TBC1D1: variants seen among roughly 807,000 people sequenced by gnomAD.
TBC1D1 encodes the protein TBC1 (tre-2/USP6, BUB2, cdc16) domain family, member 1.
In TBC1D1, 89 loss-of-function variants were observed where a neutral mutation model predicts 125.6. The observed-to-expected ratio is 0.71, with a 90% CI of 0.60 to 0.85. TBC1D1 has a LOEUF of 0.85. Among genes scored for constraint, TBC1D1 ranks in the 40% least tolerant of loss-of-function variants. The probability of loss-of-function intolerance (pLI) is 0.00; values close to 1 mark genes in which losing one functional copy is unlikely to be tolerated. For missense variants in TBC1D1, 1,377 were observed against 1,469.2 expected, an observed-to-expected ratio of 0.94 and a Z score of 1.03; for synonymous variants, 565 against 564.1, an observed-to-expected ratio of 1.00 and a Z score of -0.02.
chr4:37,986,514 C>T (rs1000907121), intron 2 of TBC1D1, among the ~76,000 whole-genome samples: 2 of 152,118 alleles, frequency 1.3e-5, no homozygotes, highest in African/African-American at 2.4e-5. Flanking sequence ...GGCGCGATCT[C>T]GGCTCACTGC....
intron 9 of TBC1D1, 38 bp downstream of exon 9, chr4:38,044,528 C>G (rs189617181): frequency 5.7e-5 from 90 of 1,585,498 alleles, no homozygotes; most frequent in Non-Finnish European, 5.1e-5. Context: ...AGTTAAATCA[C>G]TTTTTAGGAG....
At chr4:38,052,714 GCGCGCGCGCGCGCGCACACACACACA>G (rs1286890057) in intron 11 of TBC1D1, among the ~76,000 whole-genome samples, 1 of 42,580 alleles carries the variant, frequency 2.3e-5, no homozygotes, top group Non-Finnish European at 4.5e-5. Context: ...ACACACACAC[GCGCGCGCGCGCGCGCACACACACACA>G]CACACACACA....
chr4:38,083,934 C>CTTTTTTT lies in TBC1D1; in HGVS notation c.2051-5986_2051-5980dup, dbSNP rs61161366. Among the ~76,000 whole-genome samples the CTTTTTTT allele has an allele frequency of 2.2e-4, 29 of 133,292 alleles. 2 individuals carry two copies. Among genetic ancestry groups the CTTTTTTT allele is most frequent in the South Asian group, 4.8e-4 (2 of 4,204 alleles). 87.4% of individuals were successfully genotyped at this position (133,292 alleles called of 152,430 possible). ...TTTCTTTATACCAAATGAATGTTGT[C>CTTTTTTT]TTTTTTTTTTTTTTTTTTCTTGAGA... On this transcript the variant is annotated intron_variant, in intron 12 of 19. Transcript: ENST00000261439.
intron 2 of TBC1D1, among the ~76,000 whole-genome samples, chr4:37,962,575 C>A (rs1362622647): frequency 6.6e-6 from 1 of 152,194 alleles, no homozygotes; most frequent in African/African-American, 2.4e-5. Flanking sequence ...TAGTAAGGAT[C>A]TAAATGATAT....
chr4:37,912,486 A>G (rs1718831669), intron 2 of TBC1D1, among the ~76,000 whole-genome samples: 2 of 152,218 alleles, frequency 1.3e-5, no homozygotes. Context: ...GCCAGATTTT[A>G]CAGGGCTTTG....
chr4:38,000,601 A>G (rs1045652319), intron 2 of TBC1D1, among the ~76,000 whole-genome samples: 10 of 152,190 alleles, frequency 6.6e-5, no homozygotes, highest in African/African-American at 1.4e-4. Context: ...TATAACATCA[A>G]TAAAATCACA....
rs1435968154 is a variant in TBC1D1, at chr4:37,983,004, G to C, written c.418-31505G>C. On this transcript the variant is annotated intron_variant, in intron 2 of 19. Transcript: ENST00000261439. ...TGGTGGGCCTGGAGCGAGACTGCTG[G>C]GGGGAGTAGCAGAGGCGAATGAGGA... Among the ~76,000 whole-genome samples the C allele has an allele frequency of 5.3e-5, 8 of 152,204 alleles. No individual in the cohort carries two copies. In the East Asian group the frequency reaches 1.3e-3, roughly 26 times the overall value.
intron 19 of TBC1D1, among the ~76,000 whole-genome samples, chr4:38,134,883 A>C (rs1766221588): frequency 6.6e-6 from 1 of 152,336 alleles, no homozygotes; most frequent in Non-Finnish European, 1.5e-5. Flanking sequence ...CACTTCTGGA[A>C]GGATCATTCA....
chr4:38,087,667 C>T (rs1309899315), intron 12 of TBC1D1, among the ~76,000 whole-genome samples: 1 of 151,692 alleles, frequency 6.6e-6, no homozygotes, highest in African/African-American at 2.4e-5. Context: ...CATGGTGAAA[C>T]CCCGTCTCAA....
intron 2 of TBC1D1, among the ~76,000 whole-genome samples, chr4:37,939,074 A>G (rs1419360899): frequency 1.3e-5 from 2 of 152,184 alleles, no homozygotes; most frequent in Middle Eastern, 3.2e-3. Context: ...TGGTATTTCT[A>G]TTTCTAAATC....
rs149095082 is a variant in TBC1D1 at position 38,060,337 on chromosome 4, C to A, written c.2050+5999C>A. On this transcript the variant is annotated intron_variant, in intron 12 of 19. Coordinates refer to ENST00000261439, the MANE Select transcript of TBC1D1 (RefSeq NM_015173.4). ...CAATGTTTGAACTAATTTACATTCT[C>A]ACCAACAGTGTAAAAGCATTCTTAC... Among the ~76,000 whole-genome samples, 47 of 152,336 alleles carry A rather than the reference C, an allele frequency of 3.1e-4. No homozygotes were observed. In the East Asian group the frequency reaches 8.9e-3, roughly 29 times the overall value.
intron 2 of TBC1D1, among the ~76,000 whole-genome samples, chr4:38,003,536 G>T (rs1739476280): frequency 6.6e-6 from 1 of 152,164 alleles, no homozygotes; most frequent in South Asian, 2.1e-4. Context: ...GTACTGAAAG[G>T]TAGATGGAAG....
chr4:38,112,376 G>A (rs1762327508), intron 15 of TBC1D1, among the ~76,000 whole-genome samples: 1 of 152,186 alleles, frequency 6.6e-6, no homozygotes. Context: ...TTTTGCATTT[G>A]TGCTACAGAA....
intron 8 of TBC1D1, 72 bp from the exon 9 acceptor site, chr4:38,044,290 C>T: frequency 6.6e-7 from 1 of 1,519,434 alleles, no homozygotes; most frequent in East Asian, 2.3e-5. Flanking sequence ...AAGATGTGTC[C>T]TAGAGATTTT....
At chr4:38,058,624 G>A (rs570966957) in intron 12 of TBC1D1, among the ~76,000 whole-genome samples, 1 of 152,292 alleles carries the variant, frequency 6.6e-6, no homozygotes, top group East Asian at 1.9e-4. Flanking sequence ...TTATATTCTG[G>A]CAGTGCAAAC....
intron 15 of TBC1D1, chr4:38,110,138 T>G: frequency 1.1e-6 from 1 of 937,646 alleles, no homozygotes; most frequent in Non-Finnish European, 1.3e-6. Flanking sequence ...TGCCACATGG[T>G]AAACAGAGCC....
intron 8 of TBC1D1, among the ~76,000 whole-genome samples, chr4:38,036,653 T>G (rs1747277087): frequency 6.6e-6 from 1 of 152,184 alleles, no homozygotes; most frequent in African/African-American, 2.4e-5. Context: ...TTAGCAAATC[T>G]CCACATAAGG....
intron 2 of TBC1D1, among the ~76,000 whole-genome samples, chr4:37,903,741 T>C (rs746402383): frequency 3.3e-5 from 5 of 152,180 alleles, no homozygotes; most frequent in Admixed American, 6.5e-5. Context: ...TTGCAGGTAC[T>C]GTTGGAGATG....
At chr4:38,092,440 A>G (rs1758578568) in intron 13 of TBC1D1, among the ~76,000 whole-genome samples, 1 of 152,148 alleles carries the variant, frequency 6.6e-6, no homozygotes, top group African/African-American at 2.4e-5. Flanking sequence ...TACAAATATG[A>G]TAATTATTGG....
Sources: allele counts gnomAD v4.1 joint callset (sites outside exome capture counted in the v4.1 genomes callset), GRCh38; gene constraint gnomAD v4.1.1; transcripts MANE v1.5; gene names NCBI Gene and HGNC (gene_info 2026-07-23, HGNC 2026-07-21).